Variants in RELCH observed in about 807,000 individuals in gnomAD.
The protein encoded by RELCH is RAB11 binding and LisH domain, coiled-coil and HEAT repeat containing.
In RELCH, 41 loss-of-function variants were observed where a neutral mutation model predicts 150.3. The observed-to-expected ratio is 0.27, with a 90% CI of 0.21 to 0.35. RELCH has a LOEUF of 0.35. RELCH is among the 10% of genes least tolerant of loss of function. The pLI, the probability that RELCH is intolerant of heterozygous loss-of-function variation, is 1.00. For missense variants in RELCH, 1,092 were observed against 1,467.8 expected (o/e 0.74, Z 4.18); for synonymous variants, 478 against 531.8 (o/e 0.90, Z 1.39).
At position 62,275,777 on chromosome 18, in the gene RELCH, C is replaced by G. The variant is rs2044176975; in HGVS notation, c.2967+304C>G. ...ACTTATATAACTCTTTCTGACTATA[C>G]TTTTTGATTTACTGAGGTAAATAAA... On this transcript the variant is annotated intron_variant, in intron 22 of 28. Transcript: ENST00000644646. Among the ~76,000 whole-genome samples, 2 of 152,040 alleles carry G rather than the reference C, an allele frequency of 1.3e-5. 1 individual carries two copies. The highest frequency in any genetic ancestry group is 1.3e-4 in the Admixed American group (2 of 15,252).
chr18:62,201,430 G>A lies in RELCH; in HGVS notation c.527-9723G>A, dbSNP rs147202499. Among the ~76,000 whole-genome samples, 355 of 151,738 alleles carry A rather than the reference G, an allele frequency of 2.3e-3. 4 individuals are homozygous for A. The highest frequency in any genetic ancestry group is 8.2e-3 in the African/African-American group (338 of 41,384). On this transcript the variant is annotated intron_variant, in intron 1 of 28. Transcript: ENST00000644646. Reference sequence around the variant, plus strand: ...TTTTTTAAGCATGGTTGAATAAATCGTCTTTACTGAAAGAATTGTAATATA... The same window carrying A: ...TTTTTTAAGCATGGTTGAATAAATCATCTTTACTGAAAGAATTGTAATATA...
Position 62,187,399 on chromosome 18 carries a change from T to C in RELCH, c.-107T>C. The stretch of plus-strand genomic sequence containing the variant: ...CTCTAAGTCGGGAGGCAGGACGTGG[T>C]CAGGCCGGGGCTGTGGAGGTGCGCT... On this transcript the variant is annotated 5_prime_UTR_variant, in exon 1 of 29. Transcript: ENST00000644646. 1 of 1,124,134 alleles carries C rather than the reference T, an allele frequency of 8.9e-7. No homozygotes were observed. 69.6% of individuals were successfully genotyped at this position (1,124,134 alleles called of 1,614,324 possible).
At chr18:62,221,347 C>G in intron 4 of RELCH, 37 bp from the exon 5 acceptor site, 2 of 1,535,884 alleles carry the variant, frequency 1.3e-6, no homozygotes, top group Non-Finnish European at 1.8e-6. Context: ...AGGAGGAATA[C>G]TTATGATTTC....
intron 18 of RELCH, among the ~76,000 whole-genome samples, chr18:62,266,326 G>A (rs944878557): frequency 1.3e-5 from 2 of 151,490 alleles, no homozygotes; most frequent in Admixed American, 6.6e-5. Context: ...TGCTTTTTTC[G>A]ATAATTCTAA....
chr18:62,189,384 G>T (rs1315672460), intron 1 of RELCH, among the ~76,000 whole-genome samples: 1 of 151,604 alleles, frequency 6.6e-6, no homozygotes, highest in African/African-American at 2.4e-5. Context: ...CTTCCTCCAG[G>T]CTTAGGTAGT....
intron 12 of RELCH, 147 bp from the exon 13 acceptor site, chr18:62,255,260 A>T (rs144840865): frequency 1.5e-6 from 1 of 658,646 alleles, no homozygotes; most frequent in Admixed American, 2.5e-5. Flanking sequence ...TTCCCGATCC[A>T]GGTATAGTCA....
Position 62,294,884 on chromosome 18 carries a change from C to T in RELCH, c.3459+3253C>T, listed in dbSNP as rs76482140. 8.0e-3 allele frequency among the ~76,000 whole-genome samples: 1,212 copies of T among 152,190 alleles called. 20 individuals are homozygous for T. Among genetic ancestry groups the T allele is most frequent in the African/African-American group, 0.028 (1,159 of 41,514 alleles). ...TTTTTTGAACCGTTCATCCTTTTTG[C>T]ACTGATTGGCAATGCTGCCTCTGTC... is the stretch of plus-strand genomic sequence containing the variant. On this transcript the variant is annotated intron_variant, in intron 27 of 28. Coordinates refer to ENST00000644646, the MANE Select transcript of RELCH (RefSeq NM_001346231.2).
intron 25 of RELCH, among the ~76,000 whole-genome samples, chr18:62,285,100 C>A (rs528241958): frequency 1.3e-5 from 2 of 151,208 alleles, no homozygotes; most frequent in East Asian, 3.9e-4. Flanking sequence ...TATTTTTGAA[C>A]GTTTTCTGAT....
At chr18:62,190,831 C>A (rs1165574121) in intron 1 of RELCH, among the ~76,000 whole-genome samples, 1 of 152,140 alleles carries the variant, frequency 6.6e-6, no homozygotes, top group African/African-American at 2.4e-5. Context: ...TAGCAACCAC[C>A]CCCATACCTA....
intron 10 of RELCH, among the ~76,000 whole-genome samples, chr18:62,236,850 C>T (rs1402505882): frequency 1.3e-5 from 2 of 151,404 alleles, no homozygotes; most frequent in Non-Finnish European, 3.0e-5. Flanking sequence ...CTTCTGCTGG[C>T]CTTGGGTTTA....
chr18:62,253,972 T>C (rs2042864972), intron 12 of RELCH, among the ~76,000 whole-genome samples: 1 of 152,194 alleles, frequency 6.6e-6, no homozygotes. Flanking sequence ...TTCAGTGTTG[T>C]GCAAGCTTCA....
chr18:62,256,892 A>C (rs2043016982), intron 13 of RELCH, among the ~76,000 whole-genome samples: 1 of 152,188 alleles, frequency 6.6e-6, no homozygotes, highest in Non-Finnish European at 1.5e-5. Context: ...TTTTAGCCTA[A>C]AAAGTAAATA....
intron 28 of RELCH, among the ~76,000 whole-genome samples, chr18:62,304,670 T>C (rs1006780015): frequency 6.6e-6 from 1 of 152,198 alleles, no homozygotes; most frequent in Non-Finnish European, 1.5e-5. Flanking sequence ...TACAGGACAG[T>C]TGTCAGGTCA....
intron 11 of RELCH, among the ~76,000 whole-genome samples, chr18:62,248,118 A>G (rs906126742): frequency 6.6e-6 from 1 of 152,206 alleles, no homozygotes; most frequent in African/African-American, 2.4e-5. Context: ...GCATTTTGGC[A>G]TTAATTACTG....
At chr18:62,303,698 T>C (rs2045765027) in intron 28 of RELCH, among the ~76,000 whole-genome samples, 1 of 152,174 alleles carries the variant, frequency 6.6e-6, no homozygotes, top group African/African-American at 2.4e-5. Context: ...TTGAGAGTGG[T>C]TGAACAATAG....
Position 62,293,386 on chromosome 18 carries a change from G to A in RELCH, c.3459+1755G>A, listed in dbSNP as rs989782785. On this transcript the variant is annotated intron_variant, in intron 27 of 28. Coordinates refer to ENST00000644646, the MANE Select transcript of RELCH (RefSeq NM_001346231.2). ...TGTTTCAGGCTTCAGTCCAAAATAC[G>A]GAGGGCAGGCTGATAACTCAAGCAG... Among the ~76,000 whole-genome samples, 5 of 152,142 alleles carry A rather than the reference G, an allele frequency of 3.3e-5. No individual in the cohort carries two copies. The East Asian group carries it at 5.8e-4, about 18-fold the overall frequency.
chr18:62,245,378 C>T (rs917728456), intron 11 of RELCH, among the ~76,000 whole-genome samples: 2 of 152,150 alleles, frequency 1.3e-5, no homozygotes, highest in Non-Finnish European at 2.9e-5. Flanking sequence ...AATCCCAGGA[C>T]TTTGGGAGGC....
chr18:62,249,378 G>A (rs1474826109), intron 11 of RELCH, among the ~76,000 whole-genome samples: 1 of 152,088 alleles, frequency 6.6e-6, no homozygotes, highest in African/African-American at 2.4e-5. Flanking sequence ...TCAGTATCCA[G>A]CTAAGGTTAA....
chr18:62,218,118 A>AT (rs1287846595), intron 2 of RELCH, among the ~76,000 whole-genome samples: 2 of 151,892 alleles, frequency 1.3e-5, no homozygotes, highest in Admixed American at 6.6e-5. Flanking sequence ...TGAAAAGAGA[A>AT]TTTTTTCTTT....
Sources: gnomAD v4.1 joint callset for allele counts (sites outside exome capture counted in the v4.1 genomes callset) on GRCh38, gnomAD v4.1.1 for gene constraint, MANE v1.5 for transcripts, NCBI Gene and HGNC (gene_info 2026-07-23, HGNC 2026-07-21) for gene names.